Variants in TBC1D32 observed in about 807,000 individuals in gnomAD.
The protein encoded by TBC1D32 is protein broad-minded.
A neutral mutation model predicts 170.3 loss-of-function variants in TBC1D32; 151 were observed. The observed-to-expected ratio is 0.89, with a 90% CI of 0.78 to 1.01. The LOEUF (loss-of-function observed/expected upper bound fraction) is 1.01. TBC1D32 is among the 50% of genes least tolerant of loss of function. TBC1D32 has a pLI of 0.00. For synonymous variants in TBC1D32, 498 were observed against 488.0 expected, an observed-to-expected ratio of 1.02 and a Z score of -0.27; for missense variants, 1,464 against 1,457.1, an observed-to-expected ratio of 1.00 and a Z score of -0.08.
rs545077566 is a variant in TBC1D32, at chr6:121,292,882, G to A, written c.1232-689C>T. Among the ~76,000 whole-genome samples the A allele has an allele frequency of 4.6e-5, 7 of 152,190 alleles. No individual in the cohort carries two copies. The East Asian group carries it at 1.2e-3, about 25-fold the overall frequency. Reference sequence around the variant, plus strand: ...TGGGCAGGAGCAAAGCAGAAGGTTCGACGAGACTGACAAGGGCTTGTAATA... The same window carrying A: ...TGGGCAGGAGCAAAGCAGAAGGTTCAACGAGACTGACAAGGGCTTGTAATA... On this transcript the variant is annotated intron_variant, in intron 11 of 31. Coordinates refer to ENST00000398212, the MANE Select transcript of TBC1D32 (RefSeq NM_152730.6).
At chr6:121,179,557 A>T (rs1000860639) in intron 22 of TBC1D32, among the ~76,000 whole-genome samples, 1 of 152,074 alleles carries the variant, frequency 6.6e-6, no homozygotes, top group Non-Finnish European at 1.5e-5. Flanking sequence ...GAAGAAAGCT[A>T]CAATGTATGA....
intron 30 of TBC1D32, among the ~76,000 whole-genome samples, chr6:121,102,167 G>A (rs1206407130): frequency 6.6e-6 from 1 of 151,984 alleles, no homozygotes. Context: ...TACTGCCCGA[G>A]GTAACTGATA....
chr6:121,304,968 T>C (rs747753918), intron 5 of TBC1D32, 135 bp from the exon 6 acceptor site: 13 of 644,284 alleles, frequency 2.0e-5, no homozygotes, highest in Non-Finnish European at 2.9e-5. Flanking sequence ...AGTCAGAATG[T>C]ACTTATTTAA....
chr6:121,270,425 G>A (rs1801211077), intron 15 of TBC1D32, among the ~76,000 whole-genome samples: 2 of 152,122 alleles, frequency 1.3e-5, no homozygotes, highest in South Asian at 4.1e-4. Context: ...ATGATAAAGG[G>A]TATATCACCA....
At chr6:121,321,926 T>C (rs1395932710) in intron 1 of TBC1D32, 132 bp from the exon 2 acceptor site, 41 of 867,320 alleles carry the variant, frequency 4.7e-5, no homozygotes, top group Non-Finnish European at 6.2e-5. Context: ...TCATCACAAA[T>C]CATCAAGCTA....
chr6:121,178,360 T>C (rs900222898), intron 22 of TBC1D32, among the ~76,000 whole-genome samples: 1 of 152,090 alleles, frequency 6.6e-6, no homozygotes, highest in Non-Finnish European at 1.5e-5. Context: ...ACTGATGATA[T>C]GAAAAACTTT....
At chr6:121,171,320 T>G (rs182771944) in intron 22 of TBC1D32, among the ~76,000 whole-genome samples, 88 of 132,808 alleles carry the variant, frequency 6.6e-4, no homozygotes, top group East Asian at 5.1e-3. Context: ...CTCTTACAAG[T>G]TAAAAAAAAA....
chr6:121,119,968 A>G (rs1780087336), intron 26 of TBC1D32, among the ~76,000 whole-genome samples: 1 of 152,116 alleles, frequency 6.6e-6, no homozygotes, highest in Admixed American at 6.6e-5. Flanking sequence ...GTTTTAAAAC[A>G]TTTTATATCA....
At position 121,268,097 on chromosome 6, in the gene TBC1D32, C is replaced by G. The variant is rs1481560018; in HGVS notation, c.1733+11024G>C. Reference sequence around the variant, plus strand: ...AGAAAGAATATCCACACCAAAACCCCATCTGTACGTCACCATCATAAAAGA... The same window carrying G: ...AGAAAGAATATCCACACCAAAACCCGATCTGTACGTCACCATCATAAAAGA... On this transcript the variant is annotated intron_variant, in intron 15 of 31. Coordinates refer to ENST00000398212, the MANE Select transcript of TBC1D32 (RefSeq NM_152730.6). Among the ~76,000 whole-genome samples the G allele has an allele frequency of 1.3e-5, 2 of 152,070 alleles. 1 individual carries two copies. The highest frequency in any genetic ancestry group is 2.9e-5 in the Non-Finnish European group (2 of 68,010).
intron 20 of TBC1D32, among the ~76,000 whole-genome samples, chr6:121,228,562 T>A (rs926201276): frequency 8.5e-5 from 13 of 152,266 alleles, no homozygotes; most frequent in Middle Eastern, 3.4e-3. Context: ...TATCTTTTTT[T>A]CTAGTTTCTA....
At chr6:121,119,878 T>A (rs1369321567) in intron 26 of TBC1D32, among the ~76,000 whole-genome samples, 1 of 152,124 alleles carries the variant, frequency 6.6e-6, no homozygotes, top group African/African-American at 2.4e-5. Flanking sequence ...TTTAGAAGGC[T>A]GTCTGTCATT....
chr6:121,116,929 T>A (rs959482478), intron 26 of TBC1D32, among the ~76,000 whole-genome samples: 2 of 152,168 alleles, frequency 1.3e-5, no homozygotes, highest in African/African-American at 4.8e-5. Flanking sequence ...CTCTGAACAT[T>A]TCAACAGATA....
chr6:121,223,191 A>C, intron 21 of TBC1D32, 45 bp downstream of exon 21: 2 of 1,239,544 alleles, frequency 1.6e-6, no homozygotes, highest in Non-Finnish European at 2.2e-6. Flanking sequence ...CCAATCTCAA[A>C]TAGTAGCATT....
intron 26 of TBC1D32, among the ~76,000 whole-genome samples, chr6:121,117,956 A>G (rs1431181444): frequency 6.6e-6 from 1 of 152,152 alleles, no homozygotes; most frequent in East Asian, 1.9e-4. Flanking sequence ...GGAAAAATGA[A>G]TAAGTAAAAT....
At chr6:121,257,106 A>G (rs1182445945) in intron 15 of TBC1D32, among the ~76,000 whole-genome samples, 1 of 152,198 alleles carries the variant, frequency 6.6e-6, no homozygotes, top group Non-Finnish European at 1.5e-5. Context: ...GATTTGTTGG[A>G]AAAACAGTCA....
At chr6:121,261,491 T>C (rs938175083) in intron 15 of TBC1D32, among the ~76,000 whole-genome samples, 3 of 152,056 alleles carry the variant, frequency 2.0e-5, no homozygotes, top group South Asian at 2.1e-4. Flanking sequence ...ACCAGATGAA[T>C]AGGGCCTGAA....
chr6:121,312,465 T>C (rs983005633), intron 3 of TBC1D32, among the ~76,000 whole-genome samples: 16 of 152,184 alleles, frequency 1.1e-4, no homozygotes, highest in Non-Finnish European at 1.6e-4. Flanking sequence ...CATAGTTCAA[T>C]GTGGCCTCGA....
chr6:121,110,915 TA>T (rs1582815924), intron 29 of TBC1D32, among the ~76,000 whole-genome samples: 1 of 152,280 alleles, frequency 6.6e-6, no homozygotes, highest in East Asian at 1.9e-4. Flanking sequence ...CTACTGGTAA[TA>T]AAACATTCAA....
chr6:121,097,974 T>C (rs1305293952), intron 30 of TBC1D32, among the ~76,000 whole-genome samples: 1 of 151,364 alleles, frequency 6.6e-6, no homozygotes, highest in Non-Finnish European at 1.5e-5. Context: ...ATCTTCTCAC[T>C]CATAAGTGGG....
Sources: allele counts gnomAD v4.1 joint callset (sites outside exome capture counted in the v4.1 genomes callset), GRCh38; gene constraint gnomAD v4.1.1; transcripts MANE v1.5; gene names NCBI Gene and HGNC (gene_info 2026-07-23, HGNC 2026-07-21).